The following RPS6KC1 variants were observed in gnomAD, a reference collection of about 807,000 sequenced individuals.
RPS6KC1 encodes the protein ribosomal protein S6 kinase C1.
Under a neutral mutation model 103.8 loss-of-function variants are expected in RPS6KC1, and 54 were observed. The ratio of observed to expected loss-of-function variants is 0.52; its 90% CI spans 0.42 to 0.65. RPS6KC1 has a LOEUF of 0.65. Among genes scored for constraint, RPS6KC1 ranks in the 30% least tolerant of loss-of-function variants. The pLI is 0.00. For synonymous variants in RPS6KC1, 439 were observed against 438.7 expected (o/e 1.00, Z -0.01); for missense variants, 1,151 against 1,253.8 (o/e 0.92, Z 1.24).
the RPS6KC1 span, among the ~76,000 whole-genome samples, chr1:213,359,997 C>G: frequency 6.6e-6 from 1 of 151,868 alleles, no homozygotes; most frequent in Non-Finnish European, 1.5e-5. Context: ...ACATTTTTTC[C>G]TTCATTTCAA....
At chr1:213,512,448 G>A in the RPS6KC1 span, among the ~76,000 whole-genome samples, 1 of 152,182 alleles carries the variant, frequency 6.6e-6, no homozygotes, top group Non-Finnish European at 1.5e-5. Flanking sequence ...CTGAGTGGCT[G>A]TAATAAAAGT....
the RPS6KC1 span, among the ~76,000 whole-genome samples, chr1:213,415,280 C>A: frequency 1.5e-3 from 232 of 152,302 alleles, 2 homozygotes; most frequent in African/African-American, 5.2e-3. Flanking sequence ...TACCAATGAT[C>A]ACATGGATTT....
At chr1:213,842,340 G>A in the RPS6KC1 span, 5 of 152,140 alleles carry the variant, frequency 3.3e-5, no homozygotes, top group Admixed American at 3.3e-4. Context: ...GGGTGATCAG[G>A]AAGACAGGAG....
chr1:213,474,532 A>AGGG, the RPS6KC1 span, among the ~76,000 whole-genome samples: 1 of 152,192 alleles, frequency 6.6e-6, no homozygotes. Flanking sequence ...AGCAGGCTGA[A>AGGG]GGGGACCTTT....
rs564821820 is a variant in RPS6KC1 at position 213,251,482 on chromosome 1, T to G, written c.2911+8824T>G. ...ACCTTCCAGAGGCAGTCATTGTGCT[T>G]TGCATGGGGAGCACTGGAAGGTGTC... On this transcript the variant is annotated intron_variant, in intron 12 of 14. Transcript: ENST00000366960. Among the ~76,000 whole-genome samples the G allele has an allele frequency of 8.5e-5, 13 of 152,280 alleles. No homozygotes were observed. In the South Asian group the frequency reaches 2.5e-3, roughly 29 times the overall value.
At chr1:213,558,004 A>C in the RPS6KC1 span, among the ~76,000 whole-genome samples, 1 of 152,228 alleles carries the variant, frequency 6.6e-6, no homozygotes, top group Admixed American at 6.5e-5. Context: ...TAGAAGGATG[A>C]GTTGCAAGAG....
chr1:213,161,946 G>A (rs2090515042), intron 6 of RPS6KC1, among the ~76,000 whole-genome samples: 1 of 152,184 alleles, frequency 6.6e-6, no homozygotes, highest in East Asian at 1.9e-4. Context: ...CTCATGGCCA[G>A]TGAAAGAATG....
At chr1:213,355,716 T>C in the RPS6KC1 span, among the ~76,000 whole-genome samples, 161 of 152,292 alleles carry the variant, frequency 1.1e-3, no homozygotes, top group Non-Finnish European at 2.0e-3. Context: ...AATTGGATGA[T>C]CTTCTATGTA....
the RPS6KC1 span, among the ~76,000 whole-genome samples, chr1:213,505,260 C>T: frequency 6.6e-6 from 1 of 152,128 alleles, no homozygotes; most frequent in Non-Finnish European, 1.5e-5. Context: ...CCCAGACTAC[C>T]GTGGGCAGAG....
chr1:213,848,009 T>C, the RPS6KC1 span, among the ~76,000 whole-genome samples: 1 of 152,024 alleles, frequency 6.6e-6, no homozygotes, highest in Non-Finnish European at 1.5e-5. Flanking sequence ...AGAGAAGCAA[T>C]TGCAGTTCTG....
chr1:213,511,146 A>T, the RPS6KC1 span, among the ~76,000 whole-genome samples: 1 of 152,030 alleles, frequency 6.6e-6, no homozygotes, highest in South Asian at 2.1e-4. Flanking sequence ...TAAGATTAGT[A>T]AATCTGTTAC....
chr1:213,363,656 TTCTTTC>T, the RPS6KC1 span, among the ~76,000 whole-genome samples: 10 of 87,666 alleles, frequency 1.1e-4, 1 homozygote, highest in Admixed American at 9.6e-4. Flanking sequence ...CTTTCTTTCT[TTCTTTC>T]TTTCTTTCTT....
the RPS6KC1 span, among the ~76,000 whole-genome samples, chr1:213,796,517 AG>A: frequency 6.6e-6 from 1 of 152,158 alleles, no homozygotes; most frequent in Non-Finnish European, 1.5e-5. Flanking sequence ...CAGCCCCAAG[AG>A]AAAAAGGGAT....
the RPS6KC1 span, among the ~76,000 whole-genome samples, chr1:213,374,993 A>G: frequency 4.6e-5 from 7 of 152,106 alleles, no homozygotes; most frequent in Non-Finnish European, 8.8e-5. Context: ...ACACACACAT[A>G]TACACACATA....
chr1:213,117,804 C>A (rs1337477883), intron 5 of RPS6KC1, among the ~76,000 whole-genome samples: 3 of 151,450 alleles, frequency 2.0e-5, no homozygotes, highest in African/African-American at 7.3e-5. Flanking sequence ...GGGTGAATCA[C>A]CTGAGGTCAG....
At chr1:213,583,685 G>T in the RPS6KC1 span, among the ~76,000 whole-genome samples, 2 of 151,904 alleles carry the variant, frequency 1.3e-5, no homozygotes, top group Admixed American at 1.3e-4. Flanking sequence ...GCTGGGCATG[G>T]TGGTGTGTGC....
intron 10 of RPS6KC1, among the ~76,000 whole-genome samples, chr1:213,237,101 A>G (rs1252921987): frequency 2.0e-5 from 3 of 152,034 alleles, no homozygotes; most frequent in Non-Finnish European, 4.4e-5. Flanking sequence ...GGTGTTACAT[A>G]TTGCCTTGAG....
the RPS6KC1 span, among the ~76,000 whole-genome samples, chr1:213,536,104 G>T: frequency 6.6e-6 from 1 of 152,092 alleles, no homozygotes; most frequent in Non-Finnish European, 1.5e-5. Flanking sequence ...AGAGGCATAT[G>T]TACGATGAAG....
the RPS6KC1 span, among the ~76,000 whole-genome samples, chr1:213,396,497 G>A: frequency 6.6e-6 from 1 of 152,176 alleles, no homozygotes; most frequent in Non-Finnish European, 1.5e-5. Context: ...TCTCTGGGCT[G>A]AGGCTGGACC....
Sources: allele counts gnomAD v4.1 joint callset (sites outside exome capture counted in the v4.1 genomes callset), GRCh38; gene constraint gnomAD v4.1.1; transcripts MANE v1.5; gene names NCBI Gene and HGNC (gene_info 2026-07-23, HGNC 2026-07-21).